The following ZNF385C variants were observed in gnomAD, a reference collection of about 807,000 sequenced individuals.
The protein encoded by ZNF385C is zinc finger protein 385C, also known as CTD-2132N18.2.
In ZNF385C, 28 loss-of-function variants were observed where a neutral mutation model predicts 35.4. The ratio of observed to expected loss-of-function variants is 0.79; its 90% CI spans 0.59 to 1.08. The LOEUF is 1.08. Ranked by LOEUF, ZNF385C falls within the 50% of genes least tolerant of loss-of-function variation. The pLI, the probability that ZNF385C is intolerant of heterozygous loss-of-function variation, is 0.00. For missense variants in ZNF385C, 605 were observed against 595.6 expected, an observed-to-expected ratio of 1.02 and a Z score of -0.16; for synonymous variants, 248 against 248.2, an observed-to-expected ratio of 1.00 and a Z score of 0.01.
At chr17:42,031,840 C>T in intron 4 of ZNF385C, 56 bp from the exon 5 acceptor site, 2 of 1,530,448 alleles carry the variant, frequency 1.3e-6, no homozygotes, top group Non-Finnish European at 1.8e-6. Context: ...CATGCCCCAT[C>T]TGTGAACTGG....
chr17:42,055,261 G>T (rs536553807), intron 2 of ZNF385C, among the ~76,000 whole-genome samples: 1 of 152,172 alleles, frequency 6.6e-6, no homozygotes, highest in Non-Finnish European at 1.5e-5. Flanking sequence ...TTTGTGTGGG[G>T]AGAGGAAGGA....
At chr17:42,053,741 C>G (rs1329445172) in intron 2 of ZNF385C, among the ~76,000 whole-genome samples, 1 of 151,984 alleles carries the variant, frequency 6.6e-6, no homozygotes, top group Non-Finnish European at 1.5e-5. Flanking sequence ...TTTTGGGGGC[C>G]AACTATAGCA....
intron 2 of ZNF385C, among the ~76,000 whole-genome samples, chr17:42,057,497 TGCGCGCGCGCGC>T (rs58127530): frequency 0.013 from 610 of 46,876 alleles, 13 homozygotes; most frequent in African/African-American, 0.024. Flanking sequence ...TTTAGGGGTG[TGCGCGCGCGCGC>T]GCGCGTGTGT....
chr17:42,075,714 T>C (rs536647356), intron 1 of ZNF385C, among the ~76,000 whole-genome samples: 2 of 152,296 alleles, frequency 1.3e-5, no homozygotes, highest in South Asian at 2.1e-4. Flanking sequence ...CAGGATGGTC[T>C]CGATCTCCTG....
Position 42,028,308 on chromosome 17 carries a change from C to T in ZNF385C, c.968-62G>A. 4.8e-6 allele frequency: 7 copies of T among 1,470,436 alleles called. No individual in the cohort carries two copies. The South Asian group carries it at 5.4e-5, about 11-fold the overall frequency. The allele number at this position is 1,470,436 out of a possible 1,614,324, so 91.1% of individuals were successfully genotyped here. On this transcript the variant is annotated intron_variant, in intron 6 of 8. Transcript: ENST00000692273. ...AGGGGTTGCAGGGGCCACAGAGACCCCCTCCACACTCATGCAATTTGGCTC... is the reference window on the plus strand; with the variant it reads ...AGGGGTTGCAGGGGCCACAGAGACCTCCTCCACACTCATGCAATTTGGCTC...
At chr17:42,068,396 T>C (rs1196419187) in intron 1 of ZNF385C, among the ~76,000 whole-genome samples, 1 of 152,194 alleles carries the variant, frequency 6.6e-6, no homozygotes, top group East Asian at 1.9e-4. Flanking sequence ...GAGCTGATTA[T>C]AGAGGCTTCC....
At chr17:42,043,783 G>A (rs1315850041) in intron 2 of ZNF385C, among the ~76,000 whole-genome samples, 1 of 152,120 alleles carries the variant, frequency 6.6e-6, no homozygotes, top group Non-Finnish European at 1.5e-5. Context: ...CCCTCCCAGG[G>A]TCTCTTTCCA....
Position 42,062,973 on chromosome 17 carries a change from T to C in ZNF385C, c.84A>G (p.Pro28=). 1 of 694,214 alleles carries C rather than the reference T, an allele frequency of 1.4e-6. No homozygotes were observed. Among genetic ancestry groups the C allele is most frequent in the Non-Finnish European group, 2.6e-6 (1 of 380,972 alleles). 43.0% of individuals were successfully genotyped at this position (694,214 alleles called of 1,614,324 possible). A position where few individuals can be genotyped will look rare whatever the true frequency, so the allele number is the denominator to read the frequency against. Residue 28 remains proline (P), a synonymous_variant, in exon 2 of 9, where the codon CCA becomes CCG. Transcript: ENST00000692273. Reference sequence around the variant, plus strand: ...TTTCTCGCTTGGGCTTAGGTGGTTCTGGGGGCCGAGGGAGGCACTCAGCAG... The same window carrying C: ...TTTCTCGCTTGGGCTTAGGTGGTTCCGGGGGCCGAGGGAGGCACTCAGCAG... ...SGAAECLPRP[P]EPPKPKRERK...
intron 1 of ZNF385C, among the ~76,000 whole-genome samples, chr17:42,066,795 G>A (rs1176578545): frequency 4.6e-5 from 7 of 152,100 alleles, no homozygotes; most frequent in Admixed American, 6.6e-5. Context: ...TTGACTGGGC[G>A]CAGTGGCTCA....
At chr17:42,059,741 C>T (rs903762725) in intron 2 of ZNF385C, among the ~76,000 whole-genome samples, 1 of 152,208 alleles carries the variant, frequency 6.6e-6, no homozygotes, top group Non-Finnish European at 1.5e-5. Context: ...TGTGACTCAG[C>T]CTCGCCAGTA....
chr17:42,065,311 T>A (rs568224913), intron 1 of ZNF385C: 1 of 152,298 alleles, frequency 6.6e-6, no homozygotes, highest in South Asian at 2.1e-4. Flanking sequence ...AAATTACATC[T>A]CCACTGTCGA....
chr17:42,064,085 C>CACGCACAT (rs1235939405), intron 1 of ZNF385C, among the ~76,000 whole-genome samples: 3 of 114,966 alleles, frequency 2.6e-5, no homozygotes, highest in Non-Finnish European at 6.1e-5. Context: ...CACACACACA[C>CACGCACAT]ACACACACAC....
rs372343455 is a variant in ZNF385C at position 42,028,186 on chromosome 17, C to A, written c.1028G>T (p.Arg343Leu). ...QRGAPRRSRGRPVSRGGAGHK... is the reference protein window; with the variant it reads ...QRGAPRRSRGLPVSRGGAGHK... The stretch of plus-strand genomic sequence containing the variant: ...TCCGGCACCTCCCCTGGACACCGGG[C>A]GGCCCCGGCTCCTCCGGGGAGCCCC... The change falls in exon 7 of 9, where the codon CGC (arginine) becomes CTC (leucine). Residue 343 changes from arginine (R) to leucine (L), a missense_variant. Coordinates refer to ENST00000692273, the MANE Select transcript of ZNF385C (RefSeq NM_001392013.1). The A allele has an allele frequency of 2.6e-5, 42 of 1,593,760 alleles. No individual in the cohort carries two copies. The African/African-American group carries it at 5.1e-4, about 19-fold the overall frequency.
At chr17:42,082,455 A>T (rs2053759050) in intron 1 of ZNF385C, among the ~76,000 whole-genome samples, 1 of 152,202 alleles carries the variant, frequency 6.6e-6, no homozygotes, top group African/African-American at 2.4e-5. Context: ...TGGCTCCTCT[A>T]GATCCCTACT....
At chr17:42,087,881 T>A (rs2053825325) in intron 1 of ZNF385C, among the ~76,000 whole-genome samples, 1 of 152,244 alleles carries the variant, frequency 6.6e-6, no homozygotes, top group African/African-American at 2.4e-5. Flanking sequence ...AATTTTGATG[T>A]CCTTTTGCAC....
At chr17:42,088,560 C>T (rs2053833686) in intron 1 of ZNF385C, among the ~76,000 whole-genome samples, 1 of 152,260 alleles carries the variant, frequency 6.6e-6, no homozygotes, top group African/African-American at 2.4e-5. Context: ...ATTCCCATCC[C>T]TTCCATCCCC....
intron 2 of ZNF385C, among the ~76,000 whole-genome samples, chr17:42,046,596 T>C (rs1181742674): frequency 4.6e-5 from 7 of 151,534 alleles, no homozygotes; most frequent in African/African-American, 1.7e-4. Flanking sequence ...TGAGAACCTG[T>C]CTCAAAATAA....
intron 2 of ZNF385C, chr17:42,041,065 G>A: frequency 8.1e-7 from 1 of 1,232,344 alleles, no homozygotes; most frequent in South Asian, 4.1e-5. Context: ...GGACACTGAA[G>A]TGGCAAACAG....
chr17:42,093,773 G>A (rs949840951), intron 1 of ZNF385C, among the ~76,000 whole-genome samples: 7 of 151,804 alleles, frequency 4.6e-5, no homozygotes, highest in Non-Finnish European at 8.8e-5. Context: ...TAGCAGAGAC[G>A]AGGTTTCACC....
Sources: allele counts gnomAD v4.1 joint callset (sites outside exome capture counted in the v4.1 genomes callset), GRCh38; gene constraint gnomAD v4.1.1; transcripts MANE v1.5; gene names NCBI Gene and HGNC (gene_info 2026-07-23, HGNC 2026-07-21).